The following KCNG3 variants were observed in gnomAD, a reference collection of about 807,000 sequenced individuals.
The protein encoded by KCNG3 is potassium voltage-gated channel modifier subfamily G member 3.
A neutral mutation model predicts 29.0 loss-of-function variants in KCNG3; 15 were observed. The observed-to-expected ratio is 0.52, with a 90% CI of 0.35 to 0.80. The LOEUF (loss-of-function observed/expected upper bound fraction) is 0.80, where lower values mean the gene tolerates loss of function less well. Ranked by LOEUF, KCNG3 falls within the 30% of genes least tolerant of loss-of-function variation. The pLI is 0.01. For missense variants in KCNG3, 512 were observed against 605.7 expected, an observed-to-expected ratio of 0.85 and a Z score of 1.62; for synonymous variants, 322 against 248.9, an observed-to-expected ratio of 1.29 and a Z score of -2.76.
chr2:42,493,509 C>T lies in KCNG3; in HGVS notation c.-8G>A. On this transcript the variant is annotated 5_prime_UTR_variant, in exon 1 of 2. Transcript: ENST00000306078. ...GCTGCGCCCGAAGGTCATGGCTGGC[C>T]GCCCGGGGGACTTTCGGCCCGAGGG... 7.3e-7 allele frequency: 1 copy of T among 1,361,762 alleles called. No individual in the cohort carries two copies. The highest frequency in any genetic ancestry group is 3.0e-5 in the East Asian group (1 of 33,370). The allele number at this position is 1,361,762 out of a possible 1,614,324, so 84.4% of individuals were successfully genotyped here. A position where few individuals can be genotyped will look rare whatever the true frequency, so the allele number is the denominator to read the frequency against.
At chr2:42,481,724 T>C (rs924716525) in intron 1 of KCNG3, among the ~76,000 whole-genome samples, 2 of 152,136 alleles carry the variant, frequency 1.3e-5, no homozygotes, top group African/African-American at 2.4e-5. Context: ...GTTGCTCCAA[T>C]TGACCAAAGA....
At chr2:42,448,078 G>C (rs1241045783) in intron 1 of KCNG3, among the ~76,000 whole-genome samples, 1 of 152,204 alleles carries the variant, frequency 6.6e-6, no homozygotes, top group Non-Finnish European at 1.5e-5. Context: ...CACTCTGAGA[G>C]ATGAAAAGTG....
chr2:42,427,399 G>A, the KCNG3 span, among the ~76,000 whole-genome samples: 9 of 152,174 alleles, frequency 5.9e-5, no homozygotes, highest in Admixed American at 5.9e-4. Context: ...GAGCCCAGGA[G>A]TTTGAGACCA....
chr2:42,410,985 G>A, the KCNG3 span, among the ~76,000 whole-genome samples: 1 of 152,218 alleles, frequency 6.6e-6, no homozygotes, highest in South Asian at 2.1e-4. Context: ...TGCTTTGCGG[G>A]TGCCAATTGC....
At chr2:42,428,458 G>GAAAAAAAAAA in the KCNG3 span, among the ~76,000 whole-genome samples, 4 of 104,526 alleles carry the variant, frequency 3.8e-5, no homozygotes, top group East Asian at 2.6e-4. Context: ...CCCGGTCTCG[G>GAAAAAAAAAA]GAAAAAAAAA....
chr2:42,429,280 T>C, the KCNG3 span, among the ~76,000 whole-genome samples: 2 of 152,114 alleles, frequency 1.3e-5, no homozygotes, highest in African/African-American at 2.4e-5. Context: ...CCAAGGTAGA[T>C]GCTCCTTTAT....
chr2:42,481,658 G>A (rs961366646), intron 1 of KCNG3, among the ~76,000 whole-genome samples: 8 of 151,982 alleles, frequency 5.3e-5, no homozygotes, highest in African/African-American at 1.2e-4. Flanking sequence ...TGGGCTACAC[G>A]TCCCCTGCCT....
chr2:42,430,683 G>C, the KCNG3 span, among the ~76,000 whole-genome samples: 1 of 152,164 alleles, frequency 6.6e-6, no homozygotes, highest in East Asian at 1.9e-4. Context: ...CTTGAGCCCA[G>C]ATGGTCGAGG....
the KCNG3 span, among the ~76,000 whole-genome samples, chr2:42,396,282 T>C: frequency 2.0e-5 from 3 of 152,232 alleles, no homozygotes; most frequent in Admixed American, 6.5e-5. Context: ...AAGCATCTAA[T>C]GTCCATAAAT....
chr2:42,438,540 A>G (rs1447341929), downstream of KCNG3, among the ~76,000 whole-genome samples: 2 of 152,230 alleles, frequency 1.3e-5, no homozygotes, highest in African/African-American at 4.8e-5. Context: ...TTGATATTTT[A>G]AACGATAAAC....
At chr2:42,429,763 A>G in the KCNG3 span, among the ~76,000 whole-genome samples, 1 of 152,184 alleles carries the variant, frequency 6.6e-6, no homozygotes, top group Non-Finnish European at 1.5e-5. Context: ...AGCTAATGCT[A>G]CTCTGGAATC....
chr2:42,480,370 G>C (rs764767215), intron 1 of KCNG3, among the ~76,000 whole-genome samples: 2 of 152,150 alleles, frequency 1.3e-5, no homozygotes, highest in Non-Finnish European at 2.9e-5. Flanking sequence ...CTAGACACTG[G>C]TAAAGTGTTA....
At chr2:42,412,072 C>T in the KCNG3 span, among the ~76,000 whole-genome samples, 1 of 152,194 alleles carries the variant, frequency 6.6e-6, no homozygotes, top group Non-Finnish European at 1.5e-5. Context: ...GAACTGACTA[C>T]CCCTGGACTC....
chr2:42,478,221 T>A (rs936650279), intron 1 of KCNG3, among the ~76,000 whole-genome samples: 2 of 152,128 alleles, frequency 1.3e-5, no homozygotes, highest in African/African-American at 4.8e-5. Flanking sequence ...TATCTATATT[T>A]ATCATATTAT....
chr2:42,399,056 CTTTTTTTTTTTTTTT>C, the KCNG3 span, among the ~76,000 whole-genome samples: 2 of 107,632 alleles, frequency 1.9e-5, no homozygotes, highest in East Asian at 2.8e-4. Context: ...TTTTTCTTTT[CTTTTTTTTTTTTTTT>C]TTTGAGACAG....
At chr2:42,400,949 T>C in the KCNG3 span, among the ~76,000 whole-genome samples, 1 of 151,982 alleles carries the variant, frequency 6.6e-6, no homozygotes, top group African/African-American at 2.4e-5. Flanking sequence ...CTTCTCTCAG[T>C]CTGTCGTCTT....
intron 1 of KCNG3, among the ~76,000 whole-genome samples, chr2:42,468,263 C>A (rs112226520): frequency 1.6e-4 from 25 of 152,196 alleles, no homozygotes; most frequent in African/African-American, 2.9e-4. Context: ...GTCTACATTA[C>A]AACAAAAATA....
the KCNG3 span, among the ~76,000 whole-genome samples, chr2:42,414,095 CTGT>C: frequency 1.1e-4 from 16 of 152,156 alleles, no homozygotes; most frequent in Admixed American, 2.6e-4. Context: ...CACACAAAAA[CTGT>C]TGTTGTTGTT....
the KCNG3 span, among the ~76,000 whole-genome samples, chr2:42,407,511 C>T: frequency 6.6e-6 from 1 of 152,184 alleles, no homozygotes; most frequent in South Asian, 2.1e-4. Flanking sequence ...CCCTGTGGAG[C>T]CAACAACAAG....
Sources: gnomAD v4.1 joint callset for allele counts (sites outside exome capture counted in the v4.1 genomes callset) on GRCh38, gnomAD v4.1.1 for gene constraint, MANE v1.5 for transcripts, NCBI Gene and HGNC (gene_info 2026-07-23, HGNC 2026-07-21) for gene names.